Variants in ARHGAP24 observed in about 807,000 individuals in gnomAD.
The protein encoded by ARHGAP24 is rho GTPase-activating protein 24.
In ARHGAP24, 50 loss-of-function variants were observed where a neutral mutation model predicts 76.4. That is an observed-to-expected ratio of 0.65 (90% CI 0.52 to 0.83). The LOEUF (loss-of-function observed/expected upper bound fraction) is 0.83. ARHGAP24 is among the 40% of genes least tolerant of loss of function. The pLI, the probability that ARHGAP24 is intolerant of heterozygous loss-of-function variation, is 0.00. For missense variants in ARHGAP24, 930 were observed against 914.2 expected (o/e 1.02, Z -0.22); for synonymous variants, 345 against 323.3 (o/e 1.07, Z -0.72).
chr4:85,589,528 A>G (rs992126216), intron 2 of ARHGAP24, among the ~76,000 whole-genome samples: 1 of 152,200 alleles, frequency 6.6e-6, no homozygotes, highest in Non-Finnish European at 1.5e-5. Context: ...TTTCTCATGT[A>G]ATCATGGTAG....
intron 3 of ARHGAP24, among the ~76,000 whole-genome samples, chr4:85,732,634 C>A (rs1725448652): frequency 6.6e-6 from 1 of 151,978 alleles, no homozygotes; most frequent in African/African-American, 2.4e-5. Context: ...GTTCATTTAG[C>A]CCATGCTAAT....
chr4:85,808,122 A>G (rs1279202548), intron 3 of ARHGAP24, among the ~76,000 whole-genome samples: 1 of 152,098 alleles, frequency 6.6e-6, no homozygotes, highest in Admixed American at 6.5e-5. Flanking sequence ...CAGCATTCTC[A>G]TTTTATTTTT....
intron 3 of ARHGAP24, among the ~76,000 whole-genome samples, chr4:85,876,945 T>TA (rs11435809): frequency 1 from 151,309 of 152,042 alleles, 75,293 homozygotes; most frequent in Middle Eastern, 1. Context: ...ATTTTATTTA[T>TA]AAAAAAAACA....
chr4:85,984,636 G>A (rs1354883881), intron 8 of ARHGAP24, among the ~76,000 whole-genome samples: 2 of 152,136 alleles, frequency 1.3e-5, no homozygotes, highest in African/African-American at 4.8e-5. Context: ...GTGCATCCAA[G>A]TGAAAATTTT....
chr4:85,562,670 C>T (rs1726644788), intron 1 of ARHGAP24, among the ~76,000 whole-genome samples: 1 of 152,178 alleles, frequency 6.6e-6, no homozygotes, highest in Non-Finnish European at 1.5e-5. Context: ...CTACCACACT[C>T]TTACTTTCAG....
At chr4:85,843,018 T>C (rs1158365154) in intron 3 of ARHGAP24, among the ~76,000 whole-genome samples, 1 of 152,206 alleles carries the variant, frequency 6.6e-6, no homozygotes, top group African/African-American at 2.4e-5. Context: ...CTATTGATAA[T>C]GCTACAGATA....
At chr4:85,623,300 C>CAGCTTTCTACATATGGCTAGCCAGTTTT (rs1720792464) in intron 2 of ARHGAP24, among the ~76,000 whole-genome samples, 1 of 152,122 alleles carries the variant, frequency 6.6e-6, no homozygotes, top group Non-Finnish European at 1.5e-5. Context: ...GATCCAGTTT[C>CAGCTTTCTACATATGGCTAGCCAGTTTT]AGCTTTCTAC....
intron 3 of ARHGAP24, among the ~76,000 whole-genome samples, chr4:85,856,310 A>T (rs983576063): frequency 6.6e-6 from 1 of 152,152 alleles, no homozygotes; most frequent in Non-Finnish European, 1.5e-5. Flanking sequence ...GGTAAAAAAA[A>T]ATTATGTATA....
At chr4:85,824,887 C>A (rs72658238) in intron 3 of ARHGAP24, among the ~76,000 whole-genome samples, 13,650 of 152,062 alleles carry the variant, frequency 0.09, 965 homozygotes, top group East Asian at 0.29. Context: ...GTCAGGAGTT[C>A]AAGACCAGCC....
intron 2 of ARHGAP24, among the ~76,000 whole-genome samples, chr4:85,655,569 G>A (rs557264370): frequency 3.1e-4 from 47 of 151,868 alleles, no homozygotes; most frequent in African/African-American, 1.1e-3. Context: ...ATCACTTGAG[G>A]CCAGGAGTTC....
chr4:85,655,040 A>T (rs1304546048), intron 2 of ARHGAP24, among the ~76,000 whole-genome samples: 4 of 152,218 alleles, frequency 2.6e-5, no homozygotes, highest in Non-Finnish European at 4.4e-5. Context: ...AAGAGTTTGT[A>T]AATTAAAATT....
intron 2 of ARHGAP24, among the ~76,000 whole-genome samples, chr4:85,636,081 T>C (rs1721298038): frequency 6.6e-6 from 1 of 151,856 alleles, no homozygotes; most frequent in Admixed American, 6.6e-5. Context: ...TTTAAGTAGA[T>C]TCTGTAGGTT....
Position 85,739,070 on chromosome 4 carries a change from G to C in ARHGAP24, c.268+17098G>C, listed in dbSNP as rs115820472. ...GCCTTGAAAATAAAAGAAGCATTTA[G>C]AGACCATGCCACACCTGACTCCTCT... On this transcript the variant is annotated intron_variant, in intron 3 of 9. Coordinates refer to ENST00000395184, the MANE Select transcript of ARHGAP24 (RefSeq NM_001025616.3). Among the ~76,000 whole-genome samples, 807 of 152,318 alleles carry C rather than the reference G, an allele frequency of 5.3e-3. 8 individuals are homozygous for C. Among genetic ancestry groups the C allele is most frequent in the African/African-American group, 0.018 (763 of 41,566 alleles).
chr4:85,911,571 G>A (rs1049025355), intron 3 of ARHGAP24, among the ~76,000 whole-genome samples: 1 of 152,148 alleles, frequency 6.6e-6, no homozygotes, highest in Non-Finnish European at 1.5e-5. Context: ...GGATGCTTAT[G>A]AGAACATTGA....
At chr4:85,950,683 C>CT (rs11284791) in intron 5 of ARHGAP24, among the ~76,000 whole-genome samples, 11 of 142,092 alleles carry the variant, frequency 7.7e-5, no homozygotes, top group Admixed American at 2.8e-4. Flanking sequence ...TTTCTTTTTT[C>CT]TTTTTTTTTT....
intron 3 of ARHGAP24, among the ~76,000 whole-genome samples, chr4:85,907,163 A>T (rs1473011): frequency 1.3e-5 from 2 of 151,916 alleles, no homozygotes; most frequent in African/African-American, 4.8e-5. Context: ...ATGCTGTTTT[A>T]CCCCCTTGTA....
Position 85,564,987 on chromosome 4 carries a change from A to T in ARHGAP24, c.-20-5535A>T, listed in dbSNP as rs116490743. On this transcript the variant is annotated intron_variant, in intron 1 of 9. Transcript: ENST00000395184. ...ATATATATACCCACACCCACCATAC[A>T]CCCACACATACACACACCCATACAC... is the stretch of plus-strand genomic sequence containing the variant. Among the ~76,000 whole-genome samples, 721 of 139,208 alleles carry T rather than the reference A, an allele frequency of 5.2e-3. 10 individuals carry two copies. The highest frequency in any genetic ancestry group is 0.018 in the African/African-American group (680 of 38,382). The allele number at this position is 139,208 out of a possible 152,430, so 91.3% of individuals were successfully genotyped here.
At chr4:85,651,871 T>C (rs1046795150) in intron 2 of ARHGAP24, among the ~76,000 whole-genome samples, 4 of 152,096 alleles carry the variant, frequency 2.6e-5, no homozygotes, top group Admixed American at 6.6e-5. Flanking sequence ...TTTATTTAAA[T>C]GGTTTTTATC....
In ARHGAP24 at chr4:85,785,987, T is replaced by A. The variant is rs1269458735; in HGVS notation, c.268+64015T>A. On this transcript the variant is annotated intron_variant, in intron 3 of 9. Transcript: ENST00000395184. ...CTTCTCTCAGAGACCACTACTACCT[T>A]TTTTTTTTATTTCTGTAAAAGGACT... is the stretch of plus-strand genomic sequence containing the variant. Among the ~76,000 whole-genome samples, 8 of 107,730 alleles carry A rather than the reference T, an allele frequency of 7.4e-5. No individual in the cohort carries two copies. In the Admixed American group the frequency reaches 8.1e-4, roughly 11 times the overall value. The allele number at this position is 107,730 out of a possible 152,430, so 70.7% of individuals were successfully genotyped here.
Sources: gnomAD v4.1 joint callset for allele counts (sites outside exome capture counted in the v4.1 genomes callset) on GRCh38, gnomAD v4.1.1 for gene constraint, MANE v1.5 for transcripts, NCBI Gene and HGNC (gene_info 2026-07-23, HGNC 2026-07-21) for gene names.